Variants in SAMD12 observed in about 807,000 individuals in gnomAD.
The protein encoded by SAMD12 is sterile alpha motif domain containing 12.
SAMD12 carries 9 observed loss-of-function variants against 15.0 expected under a neutral mutation model. That is an observed-to-expected ratio of 0.60 (90% CI 0.36 to 1.05). The LOEUF is 1.05. Among genes scored for constraint, SAMD12 ranks in the 50% least tolerant of loss-of-function variants. The probability of loss-of-function intolerance (pLI) is 0.01; values close to 1 mark genes in which losing one functional copy is unlikely to be tolerated. For synonymous variants in SAMD12, 86 were observed against 90.1 expected, an observed-to-expected ratio of 0.96 and a Z score of 0.25; for missense variants, 230 against 234.2, an observed-to-expected ratio of 0.98 and a Z score of 0.12.
At chr8:118,200,782 G>A (rs1047134002) in intron 4 of SAMD12, among the ~76,000 whole-genome samples, 7 of 152,216 alleles carry the variant, frequency 4.6e-5, no homozygotes, top group Non-Finnish European at 7.3e-5. Context: ...TGTAAGACAC[G>A]TGGTGAAAGT....
At chr8:118,135,605 C>T in the SAMD12 span, among the ~76,000 whole-genome samples, 2 of 152,078 alleles carry the variant, frequency 1.3e-5, no homozygotes, top group African/African-American at 2.4e-5. Context: ...TGCAGTGGTG[C>T]GATCATAGCT....
chr8:118,422,872 A>G (rs1822059655), intron 3 of SAMD12, among the ~76,000 whole-genome samples: 1 of 152,178 alleles, frequency 6.6e-6, no homozygotes, highest in African/African-American at 2.4e-5. Context: ...GAGGAGAAAC[A>G]GATGAAAAGA....
chr8:118,392,726 A>G (rs1409323421), intron 3 of SAMD12, among the ~76,000 whole-genome samples: 2 of 152,220 alleles, frequency 1.3e-5, no homozygotes, highest in Non-Finnish European at 2.9e-5. Context: ...TATCTAGAAC[A>G]GGGGATTACT....
At chr8:118,391,534 C>A (rs569815278) in intron 3 of SAMD12, among the ~76,000 whole-genome samples, 6 of 152,270 alleles carry the variant, frequency 3.9e-5, no homozygotes, top group Admixed American at 2.6e-4. Context: ...CAACTAAACA[C>A]ATAAGGACAA....
At chr8:118,296,084 T>C (rs1341640281) in intron 4 of SAMD12, among the ~76,000 whole-genome samples, 1 of 152,220 alleles carries the variant, frequency 6.6e-6, no homozygotes, top group African/African-American at 2.4e-5. Flanking sequence ...GAGCATTTCC[T>C]GTGGATATGC....
intron 4 of SAMD12, among the ~76,000 whole-genome samples, chr8:118,359,892 C>T (rs866442044): frequency 2.5e-4 from 38 of 152,280 alleles, no homozygotes; most frequent in Admixed American, 1.7e-3. Context: ...CCGATAAAAA[C>T]TGGAGAAGTT....
At chr8:118,456,204 C>T (rs1005638562) in intron 2 of SAMD12, among the ~76,000 whole-genome samples, 1 of 152,146 alleles carries the variant, frequency 6.6e-6, no homozygotes, top group Non-Finnish European at 1.5e-5. Flanking sequence ...CATATACAGC[C>T]CACCCTTACT....
intron 4 of SAMD12, among the ~76,000 whole-genome samples, chr8:118,263,307 T>C (rs545843407): frequency 1.6e-4 from 24 of 151,972 alleles, no homozygotes; most frequent in Admixed American, 4.6e-4. Flanking sequence ...ATAAAAACAA[T>C]AACAGAAGGT....
chr8:118,494,483 T>C (rs73317325), intron 2 of SAMD12, among the ~76,000 whole-genome samples: 7 of 152,322 alleles, frequency 4.6e-5, no homozygotes, highest in African/African-American at 1.7e-4. Context: ...CATGCTGTTA[T>C]ATGTTTGGAA....
chr8:118,582,328 G>A (rs1332342162), intron 1 of SAMD12, among the ~76,000 whole-genome samples: 1 of 152,116 alleles, frequency 6.6e-6, no homozygotes, highest in Non-Finnish European at 1.5e-5. Context: ...AGAAACTGAT[G>A]AGACATCCTT....
At chr8:118,533,150 G>A (rs200499117) in intron 2 of SAMD12, among the ~76,000 whole-genome samples, 29 of 152,110 alleles carry the variant, frequency 1.9e-4, no homozygotes, top group Middle Eastern at 3.4e-3. Context: ...CTTTGTTCTC[G>A]TTGGTTTCAA....
chr8:118,378,850 A>T lies in SAMD12; in HGVS notation c.*567T>A, dbSNP rs1382807809. ...TCTAGCTTTATTTTGTCACTTCCAC[A>T]GTTATTGAGATCTTAAGTGCTCTCA... On this transcript the variant is annotated 3_prime_UTR_variant, in exon 4 of 4. Transcript: ENST00000314727. 4.1e-6 allele frequency: 4 copies of T among 984,786 alleles called. No homozygotes were observed. In the South Asian group the frequency reaches 1.9e-4, roughly 46 times the overall value. 61.0% of individuals were successfully genotyped at this position (984,786 alleles called of 1,614,324 possible).
chr8:118,193,908 G>C (rs747810332), exon 5 of SAMD12: 10 of 152,288 alleles, frequency 6.6e-5, no homozygotes, highest in Non-Finnish European at 1.3e-4. Flanking sequence ...CGATTGACAA[G>C]TCTAGTTGTC....
At chr8:118,210,189 G>A (rs147208763) in intron 4 of SAMD12, among the ~76,000 whole-genome samples, 2 of 152,316 alleles carry the variant, frequency 1.3e-5, no homozygotes, top group African/African-American at 4.8e-5. Flanking sequence ...AAACCCTCAT[G>A]TGCCAAGAAG....
At chr8:118,157,202 G>A in the SAMD12 span, among the ~76,000 whole-genome samples, 7 of 152,250 alleles carry the variant, frequency 4.6e-5, no homozygotes, top group South Asian at 6.2e-4. Flanking sequence ...TCAGGAAGAC[G>A]GATGTAGTCT....
At chr8:118,206,532 T>C (rs1483188456) in intron 4 of SAMD12, among the ~76,000 whole-genome samples, 1 of 152,194 alleles carries the variant, frequency 6.6e-6, no homozygotes, top group South Asian at 2.1e-4. Flanking sequence ...TCAAACAACA[T>C]GTATTGTATT....
At chr8:118,487,006 T>C (rs1824309485) in intron 2 of SAMD12, among the ~76,000 whole-genome samples, 2 of 152,124 alleles carry the variant, frequency 1.3e-5, no homozygotes, top group African/African-American at 4.8e-5. Context: ...CCCATGCTGG[T>C]GTTTTCCAAT....
the SAMD12 span, among the ~76,000 whole-genome samples, chr8:118,174,117 G>A: frequency 0.067 from 10,171 of 152,220 alleles, 805 homozygotes; most frequent in African/African-American, 0.19. Context: ...CTGCTTCTGG[G>A]TTTTGGCCCC....
intron 3 of SAMD12, among the ~76,000 whole-genome samples, chr8:118,438,027 A>C (rs1055083867): frequency 6.6e-6 from 1 of 152,180 alleles, no homozygotes; most frequent in East Asian, 1.9e-4. Flanking sequence ...AGGCTACCAT[A>C]ATCAGGCAAA....
Sources: allele counts gnomAD v4.1 joint callset (sites outside exome capture counted in the v4.1 genomes callset), GRCh38; gene constraint gnomAD v4.1.1; transcripts MANE v1.5; gene names NCBI Gene and HGNC (gene_info 2026-07-23, HGNC 2026-07-21).